TMEM50B: variants seen among roughly 807,000 people sequenced by gnomAD.
TMEM50B encodes transmembrane protein 50B.
A neutral mutation model predicts 23.4 loss-of-function variants in TMEM50B; 14 were observed. The ratio of observed to expected loss-of-function variants is 0.60; its 90% CI spans 0.39 to 0.93. The LOEUF is 0.93. Ranked by LOEUF, TMEM50B falls within the 40% of genes least tolerant of loss-of-function variation. The probability of loss-of-function intolerance (pLI) is 0.00; values close to 1 mark genes in which losing one functional copy is unlikely to be tolerated. For missense variants in TMEM50B, 159 were observed against 193.0 expected, an observed-to-expected ratio of 0.82 and a Z score of 1.04; for synonymous variants, 64 against 62.3, an observed-to-expected ratio of 1.03 and a Z score of -0.13.
At chr21:33,434,147 GCT>G (rs895434234) in intron 8 of TMEM50B, among the ~76,000 whole-genome samples, 1 of 152,174 alleles carries the variant, frequency 6.6e-6, no homozygotes, top group African/African-American at 2.4e-5. Context: ...GCCCCCTGAG[GCT>G]CTGTGAGGCC....
intron 1 of TMEM50B, among the ~76,000 whole-genome samples, chr21:33,475,798 C>T (rs908013185): frequency 5.9e-5 from 9 of 151,912 alleles, no homozygotes; most frequent in Non-Finnish European, 5.9e-5. Flanking sequence ...AATAAAAATA[C>T]AAAAAATCAG....
rs982242535 is a variant in TMEM50B, at chr21:33,434,827, G to GTAAT, written c.*2121-2029_*2121-2026dup. On this transcript the variant is annotated intron_variant and NMD_transcript_variant, in intron 8 of 8. Coordinates refer to the TMEM50B transcript ENST00000420455. ...AACAGGTCTCAGAATCTTACTTGCA[G>GTAAT]TAATAATCTCTCTCTCTCCTGGTAG... Among the ~76,000 whole-genome samples, 121 of 152,242 alleles carry GTAAT rather than the reference G, an allele frequency of 7.9e-4. 1 individual carries two copies. Among genetic ancestry groups the GTAAT allele is most frequent in the African/African-American group, 2.6e-3 (109 of 41,546 alleles).
At chr21:33,433,921 G>A (rs2083916919) in intron 8 of TMEM50B, among the ~76,000 whole-genome samples, 1 of 152,072 alleles carries the variant, frequency 6.6e-6, no homozygotes, top group Non-Finnish European at 1.5e-5. Flanking sequence ...TGGCCTGGCT[G>A]GAGGACGTGA....
chr21:33,448,417 C>T (rs2084085734), downstream of TMEM50B, among the ~76,000 whole-genome samples: 1 of 152,050 alleles, frequency 6.6e-6, no homozygotes, highest in Non-Finnish European at 1.5e-5. Context: ...GAGGTTGAGG[C>T]AGGTGGATGT....
In TMEM50B at chr21:33,437,127, T is replaced by C. The variant is rs1431892053; in HGVS notation, c.*2120+2087A>G. 2.0e-5 allele frequency: 4 copies of C among 198,778 alleles called. No homozygotes were observed. The East Asian group carries it at 3.4e-4, about 17-fold the overall frequency. The allele number at this position is 198,778 out of a possible 1,614,324, so 12.3% of individuals were successfully genotyped here. ...AGCAGGTCTCATGGGGGTGACAAGCTTTTTTTTTTTTTCTTAAAGAATTTT... is the reference window on the plus strand; with the variant it reads ...AGCAGGTCTCATGGGGGTGACAAGCCTTTTTTTTTTTTCTTAAAGAATTTT... On this transcript the variant is annotated intron_variant and NMD_transcript_variant, in intron 8 of 8. Coordinates refer to the TMEM50B transcript ENST00000420455.
At chr21:33,435,951 G>A (rs1286728206) in intron 8 of TMEM50B, among the ~76,000 whole-genome samples, 1 of 150,500 alleles carries the variant, frequency 6.6e-6, no homozygotes, top group African/African-American at 2.4e-5. Context: ...TAGCTACTTG[G>A]TTGGGAAGCT....
In TMEM50B at chr21:33,478,798, GT is replaced by G. The variant is rs765054440; in HGVS notation, c.-42+1039del. 20 of 470,972 alleles carry G rather than the reference GT, an allele frequency of 4.2e-5. 1 individual carries two copies. Among genetic ancestry groups the G allele is most frequent in the South Asian group, 3.1e-4 (20 of 64,570 alleles). 29.2% of individuals were successfully genotyped at this position (470,972 alleles called of 1,614,324 possible). A position where few individuals can be genotyped will look rare whatever the true frequency, so the allele number is the denominator to read the frequency against. On this transcript the variant is annotated intron_variant, in intron 1 of 6. Transcript: ENST00000542230. ...TGCTCTACGTTTGAAATGCATGCAG[GT>G]TTAAAAGACAAGAAACAAAATGATG...
At chr21:33,477,986 T>C (rs1233621134) in intron 1 of TMEM50B, among the ~76,000 whole-genome samples, 5 of 151,196 alleles carry the variant, frequency 3.3e-5, no homozygotes, top group African/African-American at 9.7e-5. Context: ...ATACAAAAAA[T>C]TAGCCGGGCG....
intron 8 of TMEM50B, among the ~76,000 whole-genome samples, chr21:33,434,662 C>T (rs1278366235): frequency 6.6e-6 from 1 of 152,192 alleles, no homozygotes; most frequent in Non-Finnish European, 1.5e-5. Flanking sequence ...TCCAAGTCTG[C>T]AGAAACATAG....
rs550437322 is a variant in TMEM50B at position 33,464,579 on chromosome 21, G to A, written c.280+763C>T. ...CCAGCACTTTGGGAGGCCAAGGTGGGTGGATCACCTGAGGTCGGGAGTTCG... is the reference window on the plus strand; with the variant it reads ...CCAGCACTTTGGGAGGCCAAGGTGGATGGATCACCTGAGGTCGGGAGTTCG... On this transcript the variant is annotated intron_variant, in intron 4 of 6. Coordinates refer to ENST00000542230, the MANE Select transcript of TMEM50B (RefSeq NM_006134.7). Among the ~76,000 whole-genome samples the A allele has an allele frequency of 1.1e-4, 17 of 149,374 alleles. No homozygotes were observed. In the East Asian group the frequency reaches 3.4e-3, roughly 30 times the overall value.
At chr21:33,472,314 C>G (rs1425578836) in intron 1 of TMEM50B, among the ~76,000 whole-genome samples, 2 of 148,852 alleles carry the variant, frequency 1.3e-5, no homozygotes, top group African/African-American at 4.9e-5. Context: ...ACCCAGGAGG[C>G]GGAGGTTGCA....
intron 1 of TMEM50B, among the ~76,000 whole-genome samples, chr21:33,476,243 G>C (rs117714613): frequency 0.046 from 6,903 of 151,294 alleles, 304 homozygotes; most frequent in Non-Finnish European, 0.056. Flanking sequence ...AATTAGCCGA[G>C]GTGGTGGCGC....
At chr21:33,442,963 T>C (rs2123398017) in intron 7 of TMEM50B, among the ~76,000 whole-genome samples, 1 of 152,048 alleles carries the variant, frequency 6.6e-6, no homozygotes, top group Middle Eastern at 3.4e-3. Flanking sequence ...GCACAACATA[T>C]GATATTAATG....
At chr21:33,468,634 T>A in intron 2 of TMEM50B, 153 bp downstream of exon 2, 1 of 595,972 alleles carries the variant, frequency 1.7e-6, no homozygotes. Context: ...ATATTCTGCT[T>A]GGCAATAGTA....
chr21:33,447,297 A>G (rs1049611677), downstream of TMEM50B, among the ~76,000 whole-genome samples: 6 of 152,020 alleles, frequency 3.9e-5, no homozygotes, highest in Non-Finnish European at 5.9e-5. Context: ...GAAAGGTGCA[A>G]CTAAATCTAA....
chr21:33,443,890 TG>T (rs1244425344), intron 7 of TMEM50B, among the ~76,000 whole-genome samples: 4 of 94,242 alleles, frequency 4.2e-5, no homozygotes, highest in African/African-American at 7.4e-5. Context: ...GAATTCTTTG[TG>T]GTTTTTTTTT....
At chr21:33,468,504 CAT>C (rs1223800036) in intron 2 of TMEM50B, 1 of 332,900 alleles carries the variant, frequency 3.0e-6, no homozygotes, top group African/African-American at 2.1e-5. Context: ...AAAGTACTTA[CAT>C]ATATGTTGTA....
intron 1 of TMEM50B, among the ~76,000 whole-genome samples, chr21:33,469,226 G>T (rs2084290761): frequency 6.6e-6 from 1 of 152,144 alleles, no homozygotes; most frequent in Non-Finnish European, 1.5e-5. Context: ...AAAGTGGGCA[G>T]ATCACTTGAG....
chr21:33,472,631 C>G (rs1268056794), intron 1 of TMEM50B, among the ~76,000 whole-genome samples: 1 of 152,002 alleles, frequency 6.6e-6, no homozygotes, highest in Non-Finnish European at 1.5e-5. Context: ...AATCCCAGCA[C>G]TTTGGGAGGC....
Sources: gnomAD v4.1 joint callset for allele counts (sites outside exome capture counted in the v4.1 genomes callset) on GRCh38, gnomAD v4.1.1 for gene constraint, MANE v1.5 for transcripts, NCBI Gene and HGNC (gene_info 2026-07-23, HGNC 2026-07-21) for gene names.